KCNIP4: variants seen among roughly 807,000 people sequenced by gnomAD.
The protein encoded by KCNIP4 is Kv channel-interacting protein 4.
Under a neutral mutation model 34.0 loss-of-function variants are expected in KCNIP4, and 12 were observed. The observed-to-expected ratio is 0.35, with a 90% CI of 0.23 to 0.57. The LOEUF (loss-of-function observed/expected upper bound fraction) is 0.57, where lower values mean the gene tolerates loss of function less well. Among genes scored for constraint, KCNIP4 ranks in the 20% least tolerant of loss-of-function variants. KCNIP4 has a pLI of 0.83. For missense variants in KCNIP4, 238 were observed against 311.7 expected (o/e 0.76, Z 1.78); for synonymous variants, 124 against 102.2 (o/e 1.21, Z -1.29).
intron 1 of KCNIP4, among the ~76,000 whole-genome samples, chr4:21,546,687 G>T (rs1738180957): frequency 6.6e-6 from 1 of 152,042 alleles, no homozygotes; most frequent in African/African-American, 2.4e-5. Flanking sequence ...ATGATAAGTT[G>T]TTTATGTTGT....
At chr4:21,741,929 C>G (rs1046112621) in intron 1 of KCNIP4, among the ~76,000 whole-genome samples, 38 of 151,948 alleles carry the variant, frequency 2.5e-4, no homozygotes, top group African/African-American at 8.9e-4. Flanking sequence ...CCCAGCTACT[C>G]GGGAGGATAA....
chr4:21,303,656 A>C, intron 1 of KCNIP4: 1 of 527,642 alleles, frequency 1.9e-6, no homozygotes, highest in Non-Finnish European at 3.3e-6. Context: ...TATTTCATTA[A>C]TCTTTCCTAC....
intron 1 of KCNIP4, chr4:21,846,552 G>A (rs1724027293): frequency 6.6e-6 from 1 of 152,106 alleles, no homozygotes; most frequent in South Asian, 2.1e-4. Context: ...AGTGATTAAA[G>A]AATGCTTACT....
chr4:21,463,811 G>A (rs980231876), intron 1 of KCNIP4, among the ~76,000 whole-genome samples: 6 of 151,884 alleles, frequency 4.0e-5, no homozygotes, highest in Non-Finnish European at 5.9e-5. Context: ...ATGTTTAATC[G>A]AATTCACCAG....
At chr4:21,560,122 A>G (rs903305246) in intron 1 of KCNIP4, among the ~76,000 whole-genome samples, 5 of 152,234 alleles carry the variant, frequency 3.3e-5, no homozygotes, top group African/African-American at 7.2e-5. Flanking sequence ...TATTCTAAAA[A>G]TAAGCAAATA....
intron 1 of KCNIP4, among the ~76,000 whole-genome samples, chr4:21,594,302 T>C (rs1742453097): frequency 1.3e-5 from 2 of 152,106 alleles, no homozygotes; most frequent in South Asian, 4.1e-4. Context: ...AAATGAGCTA[T>C]TGGCCAAAAG....
At chr4:21,624,495 G>T (rs1258290931) in intron 1 of KCNIP4, among the ~76,000 whole-genome samples, 1 of 152,066 alleles carries the variant, frequency 6.6e-6, no homozygotes, top group Non-Finnish European at 1.5e-5. Flanking sequence ...TCATATTGAT[G>T]TATTTATCCA....
chr4:21,218,848 G>GAT lies in KCNIP4; in HGVS notation c.62-336141_62-336140dup, dbSNP rs555348169. 6.6e-5 allele frequency among the ~76,000 whole-genome samples: 10 copies of GAT among 152,128 alleles called. No individual in the cohort carries two copies. In the East Asian group the frequency reaches 1.7e-3, roughly 26 times the overall value. On this transcript the variant is annotated intron_variant, in intron 1 of 8. Coordinates refer to ENST00000382152, the MANE Select transcript of KCNIP4 (RefSeq NM_025221.6). The stretch of plus-strand genomic sequence containing the variant: ...CCAAATATCTTAGTAAAAGTAGTGT[G>GAT]ATATATATATGTGGGAGTATTAACT...
intron 2 of KCNIP4, among the ~76,000 whole-genome samples, chr4:20,861,754 G>C (rs138774264): frequency 1.6e-3 from 240 of 152,094 alleles, no homozygotes; most frequent in Middle Eastern, 3.4e-3. Flanking sequence ...TTTCATAATT[G>C]AATTCAATCA....
At chr4:21,663,660 T>C (rs1748620415) in intron 1 of KCNIP4, among the ~76,000 whole-genome samples, 1 of 152,172 alleles carries the variant, frequency 6.6e-6, no homozygotes. Context: ...TAATACTCAC[T>C]GATTCTTGAA....
At chr4:21,282,378 T>C (rs1412932422) in intron 1 of KCNIP4, among the ~76,000 whole-genome samples, 2 of 152,064 alleles carry the variant, frequency 1.3e-5, no homozygotes, top group Admixed American at 1.3e-4. Flanking sequence ...TAGTTCTGAG[T>C]TCAGGACTGT....
At chr4:20,894,349 G>C (rs186376546) in intron 1 of KCNIP4, among the ~76,000 whole-genome samples, 1 of 152,130 alleles carries the variant, frequency 6.6e-6, no homozygotes, top group Non-Finnish European at 1.5e-5. Context: ...GTGTATTTTC[G>C]TGTTGGAGTG....
intron 1 of KCNIP4, among the ~76,000 whole-genome samples, chr4:21,500,947 G>A (rs1182775623): frequency 4.6e-5 from 7 of 152,092 alleles, no homozygotes; most frequent in African/African-American, 1.7e-4. Context: ...TAACTCCTGT[G>A]TTCAAAGCAT....
intron 1 of KCNIP4, chr4:21,613,760 A>G (rs551305486): frequency 6.6e-6 from 1 of 152,154 alleles, no homozygotes; most frequent in Non-Finnish European, 1.5e-5. Context: ...CCATGCATTT[A>G]TTTACATGTG....
At chr4:21,528,700 AAAG>A in intron 1 of KCNIP4, among the ~76,000 whole-genome samples, 1 of 270 alleles carries the variant, frequency 3.7e-3, no homozygotes, top group East Asian at 0.25. Context: ...AGAAAGAAAG[AAAG>A]AAAGAAAGAA....
intron 1 of KCNIP4, among the ~76,000 whole-genome samples, chr4:21,816,905 TTATCTA>T (rs1372214751): frequency 6.6e-6 from 1 of 152,192 alleles, no homozygotes; most frequent in Non-Finnish European, 1.5e-5. Flanking sequence ...CTTAGTTTCC[TTATCTA>T]TAAATTGAGG....
intron 1 of KCNIP4, among the ~76,000 whole-genome samples, chr4:20,967,730 T>G (rs573794399): frequency 1.2e-3 from 178 of 152,282 alleles, no homozygotes; most frequent in Non-Finnish European, 2.3e-3. Context: ...TAGCCATATG[T>G]AGAAAGCTGA....
At chr4:21,947,364 T>C (rs1730564211) in intron 1 of KCNIP4, among the ~76,000 whole-genome samples, 1 of 152,166 alleles carries the variant, frequency 6.6e-6, no homozygotes, top group Admixed American at 6.5e-5. Flanking sequence ...CAGTTACAAG[T>C]CAAATGTGGG....
intron 1 of KCNIP4, among the ~76,000 whole-genome samples, chr4:21,218,067 G>C (rs1834350): frequency 0.061 from 9,161 of 151,190 alleles, 331 homozygotes; most frequent in East Asian, 0.13. Flanking sequence ...CCAGGCTGGA[G>C]TGCAATGGTA....
Sources: allele counts gnomAD v4.1 joint callset (sites outside exome capture counted in the v4.1 genomes callset), GRCh38; gene constraint gnomAD v4.1.1; transcripts MANE v1.5; gene names NCBI Gene and HGNC (gene_info 2026-07-23, HGNC 2026-07-21).